Variants in NNMT observed in about 807,000 individuals in gnomAD.
NNMT encodes nicotinamide N-methyltransferase.
Under a neutral mutation model 11.7 loss-of-function variants are expected in NNMT, and 10 were observed. That is an observed-to-expected ratio of 0.85 (90% CI 0.53 to 1.45). NNMT has a LOEUF of 1.45. Ranked by LOEUF, NNMT falls within the 40% of genes most tolerant of loss-of-function variation. NNMT has a pLI of 0.00. For synonymous variants in NNMT, 143 were observed against 133.8 expected (o/e 1.07, Z -0.48); for missense variants, 381 against 319.4 (o/e 1.19, Z -1.47).
chr11:114,267,901 C>G (rs1332571393), intron 2 of NNMT, among the ~76,000 whole-genome samples: 2 of 152,172 alleles, frequency 1.3e-5, no homozygotes, highest in Non-Finnish European at 2.9e-5. Flanking sequence ...CTGATTGCTT[C>G]AAAAATAACT....
upstream of NNMT, among the ~76,000 whole-genome samples, chr11:114,295,502 G>A (rs996391146): frequency 4.5e-5 from 6 of 133,562 alleles, no homozygotes; most frequent in Admixed American, 9.0e-5. Context: ...TTGGCTCACT[G>A]CAAGCTCCGC....
At chr11:114,277,777 G>A (rs1945225184) in intron 2 of NNMT, among the ~76,000 whole-genome samples, 1 of 152,220 alleles carries the variant, frequency 6.6e-6, no homozygotes, top group Admixed American at 6.5e-5. Flanking sequence ...ATAGGCATGG[G>A]TGGTGGGCAG....
At chr11:114,310,884 C>T (rs550253329) in intron 2 of NNMT, among the ~76,000 whole-genome samples, 6 of 152,218 alleles carry the variant, frequency 3.9e-5, no homozygotes, top group Non-Finnish European at 7.3e-5. Context: ...TTCTCTTGTA[C>T]ACTCTGTTTA....
At chr11:114,291,823 C>T (rs1945337428), upstream of NNMT, among the ~76,000 whole-genome samples, 1 of 152,146 alleles carries the variant, frequency 6.6e-6, no homozygotes, top group Non-Finnish European at 1.5e-5. Flanking sequence ...CTCTCTTAGC[C>T]ATTAACCACT....
chr11:114,298,272 G>T, intron 2 of NNMT, 114 bp downstream of exon 2: 1 of 832,452 alleles, frequency 1.2e-6, no homozygotes, highest in East Asian at 2.5e-5. Context: ...GAGTGGTAAC[G>T]AGAGAGCGAG....
At position 114,301,841 on chromosome 11, in the gene NNMT, A is replaced by G. The variant is rs187510737; in HGVS notation, c.362+3683A>G. On this transcript the variant is annotated intron_variant, in intron 2 of 2. Transcript: ENST00000299964. Reference sequence around the variant, plus strand: ...GAACCTAATATTGCTGTAAAAAACAAAATCAATTTTTAAAAAATGACAGCT... The same window carrying G: ...GAACCTAATATTGCTGTAAAAAACAGAATCAATTTTTAAAAAATGACAGCT... Among the ~76,000 whole-genome samples, 87 of 152,032 alleles carry G rather than the reference A, an allele frequency of 5.7e-4. 2 individuals carry two copies. In the South Asian group the frequency reaches 0.017, roughly 30 times the overall value.
At chr11:114,282,200 G>T (rs751468334) in intron 2 of NNMT, among the ~76,000 whole-genome samples, 1 of 152,074 alleles carries the variant, frequency 6.6e-6, no homozygotes, top group Non-Finnish European at 1.5e-5. Context: ...CTCCAGCCTG[G>T]GCCACAGAGT....
At chr11:114,279,574 G>C (rs1244074183) in intron 2 of NNMT, among the ~76,000 whole-genome samples, 1 of 152,196 alleles carries the variant, frequency 6.6e-6, no homozygotes, top group African/African-American at 2.4e-5. Context: ...CCCATCCAAG[G>C]GGAGTTTAGG....
Position 114,296,533 on chromosome 11 carries a change from C to T in NNMT, c.-24C>T, listed in dbSNP as rs201637211. On this transcript the variant is annotated 5_prime_UTR_variant, in exon 1 of 3. Coordinates refer to ENST00000299964, the MANE Select transcript of NNMT (RefSeq NM_006169.3). ...GAGGAAAGAGAAGGAGGGCAGTGCT[C>T]CAGTGGTACAGAAGTGAGACATAAT... is the stretch of plus-strand genomic sequence containing the variant. The T allele has an allele frequency of 2.7e-3, 4,392 of 1,610,536 alleles. 15 individuals are homozygous for T. Among genetic ancestry groups the T allele is most frequent in the South Asian group, 4.5e-3 (412 of 90,720 alleles).
intron 2 of NNMT, among the ~76,000 whole-genome samples, chr11:114,302,783 T>C (rs2135277016): frequency 6.6e-6 from 1 of 152,246 alleles, no homozygotes; most frequent in Middle Eastern, 3.4e-3. Flanking sequence ...CTTATGATGG[T>C]ATTAAGAGGT....
intron 1 of NNMT, among the ~76,000 whole-genome samples, chr11:114,258,211 C>T (rs1275180670): frequency 1.3e-5 from 2 of 152,344 alleles, no homozygotes; most frequent in South Asian, 2.1e-4. Flanking sequence ...GGGAGGATGC[C>T]GCCGTGGGGC....
intron 2 of NNMT, among the ~76,000 whole-genome samples, chr11:114,281,187 C>T (rs6589422): frequency 0.32 from 48,468 of 151,928 alleles, 9,566 homozygotes; most frequent in African/African-American, 0.56. Context: ...TTAAAACCCA[C>T]GAAGCTGGGG....
At chr11:114,291,114 G>A (rs1453695593) in intron 2 of NNMT, among the ~76,000 whole-genome samples, 1 of 152,156 alleles carries the variant, frequency 6.6e-6, no homozygotes, top group Non-Finnish European at 1.5e-5. Flanking sequence ...GTTAATATGT[G>A]TAAAGCACAT....
upstream of NNMT, among the ~76,000 whole-genome samples, chr11:114,293,703 A>T (rs1945350396): frequency 6.6e-6 from 1 of 152,074 alleles, no homozygotes; most frequent in African/African-American, 2.4e-5. Flanking sequence ...AAATTAGTAC[A>T]ACCACTATGG....
chr11:114,268,756 G>A (rs908899689), intron 2 of NNMT, among the ~76,000 whole-genome samples: 6 of 128,534 alleles, frequency 4.7e-5, no homozygotes, highest in African/African-American at 1.9e-4. Context: ...ACGATGGAGC[G>A]AGACTCCGTC....
chr11:114,268,569 G>A (rs144730952), intron 2 of NNMT, among the ~76,000 whole-genome samples: 3,658 of 152,178 alleles, frequency 0.024, 130 homozygotes, highest in African/African-American at 0.081. Context: ...AGGAGATCAA[G>A]ACCATCCTGG....
intron 2 of NNMT, among the ~76,000 whole-genome samples, chr11:114,286,812 T>C (rs1362827323): frequency 6.6e-6 from 1 of 152,188 alleles, no homozygotes; most frequent in Non-Finnish European, 1.5e-5. Context: ...GGGCATAGGG[T>C]ACGCAGCAAC....
intron 2 of NNMT, among the ~76,000 whole-genome samples, chr11:114,306,488 C>A (rs966783031): frequency 6.6e-6 from 1 of 152,276 alleles, no homozygotes; most frequent in South Asian, 2.1e-4. Flanking sequence ...TTAGATCTAA[C>A]ATTTAAGTCT....
At chr11:114,298,198 C>A (rs1945403819) in intron 2 of NNMT, 40 bp downstream of exon 2, 2 of 1,574,554 alleles carry the variant, frequency 1.3e-6, no homozygotes, top group African/African-American at 2.7e-5. Context: ...TTTGAAGGTA[C>A]CTGAGTGATG....
Sources: allele counts gnomAD v4.1 joint callset (sites outside exome capture counted in the v4.1 genomes callset), GRCh38; gene constraint gnomAD v4.1.1; transcripts MANE v1.5; gene names NCBI Gene and HGNC (gene_info 2026-07-23, HGNC 2026-07-21).